The following COL14A1 variants were observed in gnomAD, a reference collection of about 807,000 sequenced individuals.
The protein encoded by COL14A1 is collagen alpha-1(XIV) chain.
A neutral mutation model predicts 230.3 loss-of-function variants in COL14A1; 136 were observed. The observed-to-expected ratio is 0.59, with a 90% confidence interval of 0.51 to 0.68. COL14A1 has a LOEUF of 0.68. Ranked by LOEUF, COL14A1 falls within the 30% of genes least tolerant of loss-of-function variation. The pLI is 0.00. For synonymous variants in COL14A1, 792 were observed against 784.1 expected, an observed-to-expected ratio of 1.01 and a Z score of -0.17; for missense variants, 1,976 against 2,215.8, an observed-to-expected ratio of 0.89 and a Z score of 2.17.
At chr8:120,350,331 A>G (rs1257357067) in intron 45 of COL14A1, among the ~76,000 whole-genome samples, 195 of 147,388 alleles carry the variant, frequency 1.3e-3, no homozygotes, top group African/African-American at 4.6e-3. Flanking sequence ...GCATCAACTA[A>G]CGAGCAAAAT....
chr8:120,175,878 C>G (rs1318213348), intron 5 of COL14A1, among the ~76,000 whole-genome samples: 3 of 152,128 alleles, frequency 2.0e-5, no homozygotes, highest in Non-Finnish European at 4.4e-5. Flanking sequence ...TTCATAATTG[C>G]ATAGGCTGTA....
At chr8:120,167,322 C>G (rs1474150135) in intron 4 of COL14A1, among the ~76,000 whole-genome samples, 1 of 149,088 alleles carries the variant, frequency 6.7e-6, no homozygotes, top group Non-Finnish European at 1.5e-5. Context: ...TGTAGCTTAC[C>G]CTTTAATACA....
At chr8:120,294,218 T>C (rs1465077589) in intron 34 of COL14A1, among the ~76,000 whole-genome samples, 1 of 151,758 alleles carries the variant, frequency 6.6e-6, no homozygotes, top group African/African-American at 2.4e-5. Context: ...CAGAGGTACA[T>C]TTTAATTCCC....
In COL14A1 at chr8:120,222,347, A is replaced by G. The variant is rs145711411; in HGVS notation, c.1738-2741A>G. The stretch of plus-strand genomic sequence containing the variant: ...TCAATTAACCATTGCCGTGTAACCA[A>G]CACTACAGCTTAAAATACAGCCTAG... On this transcript the variant is annotated intron_variant, in intron 14 of 47. Transcript: ENST00000297848. 3.3e-5 allele frequency among the ~76,000 whole-genome samples: 5 copies of G among 152,318 alleles called. No individual in the cohort carries two copies. In the East Asian group the frequency reaches 9.6e-4, roughly 29 times the overall value.
intron 14 of COL14A1, among the ~76,000 whole-genome samples, chr8:120,220,765 T>C (rs1024972751): frequency 6.6e-6 from 1 of 152,052 alleles, no homozygotes; most frequent in Non-Finnish European, 1.5e-5. Context: ...CTGCTGCTAA[T>C]TGATGATGAT....
At chr8:120,321,078 C>G (rs1272026231) in intron 40 of COL14A1, among the ~76,000 whole-genome samples, 1 of 152,096 alleles carries the variant, frequency 6.6e-6, no homozygotes, top group East Asian at 1.9e-4. Flanking sequence ...TAAAGATCAC[C>G]ACAGGATTTT....
intron 35 of COL14A1, among the ~76,000 whole-genome samples, chr8:120,298,322 G>A (rs10098327): frequency 0.13 from 19,930 of 151,284 alleles, 1,439 homozygotes; most frequent in Non-Finnish European, 0.16. Context: ...AACATTCACA[G>A]GACCCCTGTG....
chr8:120,188,361 C>T (rs1338767335), intron 5 of COL14A1, among the ~76,000 whole-genome samples: 2 of 152,158 alleles, frequency 1.3e-5, no homozygotes, highest in African/African-American at 4.8e-5. Flanking sequence ...GGATTACAGG[C>T]ATGAGCCACC....
At chr8:120,210,120 G>T (rs115686043) in intron 12 of COL14A1, among the ~76,000 whole-genome samples, 1,565 of 152,080 alleles carry the variant, frequency 0.01, 22 homozygotes, top group African/African-American at 0.035. Flanking sequence ...AAATGGTTTC[G>T]TAGCCTGCTG....
In COL14A1 at chr8:120,203,721, C is replaced by T. The variant is rs780638330; in HGVS notation, c.890C>T (p.Ala297Val). 2.7e-5 allele frequency: 43 copies of T among 1,613,562 alleles called. 1 individual carries two copies. The highest frequency in any genetic ancestry group is 1.5e-4 in the Admixed American group (9 of 59,940). The change falls in exon 9 of 48, where the codon GCG (alanine) becomes GTG (valine). Residue 297 changes from alanine to valine, a missense_variant. Ala to Val is a moderately conservative substitution (Grantham distance 64, BLOSUM62 0). Coordinates refer to ENST00000297848, the MANE Select transcript of COL14A1 (RefSeq NM_021110.4). ...VELFAIGVKN[A>V]DVNELQEIAS... ...TCCTCTGTGTAAGGGGTGAAAAACG[C>T]GGATGTGAATGAGCTGCAGGAGATC...
At chr8:120,237,925 T>G (rs1370699040) in intron 19 of COL14A1, among the ~76,000 whole-genome samples, 2 of 152,166 alleles carry the variant, frequency 1.3e-5, no homozygotes, top group African/African-American at 4.8e-5. Context: ...CCTGTGTGCC[T>G]GGGTATCATC....
intron 36 of COL14A1, among the ~76,000 whole-genome samples, chr8:120,304,795 G>A (rs1820810702): frequency 6.6e-6 from 1 of 152,108 alleles, no homozygotes; most frequent in Non-Finnish European, 1.5e-5. Flanking sequence ...GGTATATGCA[G>A]CACCCTTTCT....
intron 45 of COL14A1, among the ~76,000 whole-genome samples, chr8:120,363,125 C>T (rs1396610137): frequency 1.3e-5 from 2 of 152,116 alleles, no homozygotes; most frequent in African/African-American, 2.4e-5. Flanking sequence ...CAAAGGTATG[C>T]TTGCTTATAA....
chr8:120,130,099 A>G (rs2130375327), intron 1 of COL14A1, among the ~76,000 whole-genome samples: 1 of 152,352 alleles, frequency 6.6e-6, no homozygotes, highest in East Asian at 1.9e-4. Context: ...CCTGCCTCTG[A>G]TAAGACAAAA....
At chr8:120,312,377 T>G (rs753023772) in intron 37 of COL14A1, among the ~76,000 whole-genome samples, 8 of 152,196 alleles carry the variant, frequency 5.3e-5, no homozygotes, top group Non-Finnish European at 1.2e-4. Context: ...TAAAAGTTCC[T>G]AATTACTTGC....
chr8:120,193,495 C>G (rs3937706), intron 5 of COL14A1, among the ~76,000 whole-genome samples: 91,875 of 152,072 alleles, frequency 0.6, 27,908 homozygotes, highest in Admixed American at 0.68. Context: ...TGGGGGTCAG[C>G]GGTCAGGGAC....
chr8:120,170,383 G>C (rs1291244605), intron 5 of COL14A1, among the ~76,000 whole-genome samples: 2 of 151,804 alleles, frequency 1.3e-5, no homozygotes, highest in African/African-American at 2.4e-5. Context: ...CATTTCACTA[G>C]GTTTTCTTCC....
chr8:120,370,558 A>G, intron 47 of COL14A1: 1 of 1,461,652 alleles, frequency 6.8e-7, no homozygotes, highest in Non-Finnish European at 9.0e-7. Context: ...TGATGGAGTG[A>G]TAACATCGGA....
chr8:120,258,953 T>G (rs1425566963), intron 23 of COL14A1, among the ~76,000 whole-genome samples: 1 of 152,184 alleles, frequency 6.6e-6, no homozygotes, highest in African/African-American at 2.4e-5. Context: ...ATTCCCACCC[T>G]AATCCCCACA....
Sources: gnomAD v4.1 joint callset for allele counts (sites outside exome capture counted in the v4.1 genomes callset) on GRCh38, gnomAD v4.1.1 for gene constraint, MANE v1.5 for transcripts, NCBI Gene and HGNC (gene_info 2026-07-23, HGNC 2026-07-21) for gene names.